The following SPATA13 variants were observed in gnomAD, a reference collection of about 807,000 sequenced individuals.
The protein encoded by SPATA13 is spermatogenesis associated 13, also known as spermatogenesis-associated protein 13.
In SPATA13, 50 loss-of-function variants were observed where a neutral mutation model predicts 104.0. The observed-to-expected ratio is 0.48, with a 90% CI of 0.38 to 0.61. SPATA13 has a LOEUF of 0.61. SPATA13 is among the 20% of genes least tolerant of loss of function. The probability of loss-of-function intolerance (pLI) is 0.00; values close to 1 mark genes in which losing one functional copy is unlikely to be tolerated. For synonymous variants in SPATA13, 606 were observed against 667.5 expected, an observed-to-expected ratio of 0.91 and a Z score of 1.42; for missense variants, 1,524 against 1,690.6, an observed-to-expected ratio of 0.90 and a Z score of 1.73.
At position 24,224,160 on chromosome 13, in the gene SPATA13, C is replaced by T. The variant is rs921772464; in HGVS notation, c.1231C>T (p.Pro411Ser). ...CCTAGACGCTGACACTGCCGTATTT[C>T]CTCTTGAAACCAAAAGTTCCTGGGC... The part of the protein sequence containing the change: ...PHLDADTAVF[P>S]LETKSSWAVE... The change falls in exon 2 of 13, where the codon CCT becomes TCT. Residue 411 changes from proline (P) to serine (S), a missense_variant. Physicochemically the swap from Pro to Ser is moderately conservative, Grantham distance 74. This residue lies in a region of SPATA13 where 1,089 missense variants were observed against 1,135.9 expected (regional missense o/e 0.96). Transcript: ENST00000382108. 1.9e-5 allele frequency: 29 copies of T among 1,551,642 alleles called. No individual in the cohort carries two copies. The highest frequency in any genetic ancestry group is 2.4e-5 in the Non-Finnish European group (27 of 1,147,012).
In SPATA13 at chr13:24,088,533, C is replaced by T. The variant is rs1426672839; in HGVS notation, c.-112+70832C>T. ...GATCGTTGGGTCCACAGCCCAAAGA[C>T]TGGCAGAATCTCAATACTGTCCCAG... On this transcript the variant is annotated intron_variant, in intron 3 of 14. Coordinates refer to the SPATA13 transcript ENST00000424834. The surrounding 1 kb of genome is among the most constrained non-coding windows in gnomAD (Gnocchi z 4.3). 6.6e-6 allele frequency among the ~76,000 whole-genome samples: 1 copy of T among 152,056 alleles called. No homozygotes were observed. The highest frequency in any genetic ancestry group is 1.5e-5 in the Non-Finnish European group (1 of 68,004).
chr13:24,303,181 T>C lies in SPATA13; in HGVS notation c.*408T>C, dbSNP rs1877332101. 1 of 391,212 alleles carries C rather than the reference T, an allele frequency of 2.6e-6. No homozygotes were observed. The highest frequency in any genetic ancestry group is 5.1e-6 in the Non-Finnish European group (1 of 197,122). 24.2% of individuals were successfully genotyped at this position (391,212 alleles called of 1,614,324 possible). A position where few individuals can be genotyped will look rare whatever the true frequency, so the allele number is the denominator to read the frequency against. On this transcript the variant is annotated 3_prime_UTR_variant, in exon 13 of 13. Coordinates refer to ENST00000382108, the MANE Select transcript of SPATA13 (RefSeq NM_001166271.3). ...AGTGATGAGGTTAGAGGATCACTTC[T>C]GCATTTGATTTTCAAGGATGCCGTC...
intron 4 of SPATA13, among the ~76,000 whole-genome samples, chr13:24,278,253 C>T (rs1875164448): frequency 6.6e-6 from 1 of 152,134 alleles, no homozygotes; most frequent in Non-Finnish European, 1.5e-5. Context: ...AGTTAGATGG[C>T]CTGAGCCTGC....
intron 1 of SPATA13, among the ~76,000 whole-genome samples, chr13:24,192,733 C>G (rs1869833663): frequency 6.6e-6 from 1 of 152,020 alleles, no homozygotes; most frequent in African/African-American, 2.4e-5. Flanking sequence ...GTTGGAGAAG[C>G]AGAGAGAAGA....
In SPATA13 at chr13:24,161,513, G is replaced by A. The variant is rs897385090; in HGVS notation, c.-112+581G>A. Among the ~76,000 whole-genome samples, 2 of 152,236 alleles carry A rather than the reference G, an allele frequency of 1.3e-5. No individual in the cohort carries two copies. Among genetic ancestry groups the A allele is most frequent in the African/African-American group, 4.8e-5 (2 of 41,462 alleles). On this transcript the variant is annotated intron_variant, in intron 1 of 12. Coordinates refer to ENST00000382108, the MANE Select transcript of SPATA13 (RefSeq NM_001166271.3). The surrounding 1 kb of genome is among the most constrained non-coding windows in gnomAD (Gnocchi z 4.5). ...GTCTGTGGACTGCAGGGAATGCATTGGCGGAGTTGGTTTGGTCCCATTCTG... is the reference window on the plus strand; with the variant it reads ...GTCTGTGGACTGCAGGGAATGCATTAGCGGAGTTGGTTTGGTCCCATTCTG...
intron 1 of SPATA13, among the ~76,000 whole-genome samples, chr13:23,983,295 G>A (rs112591644): frequency 5.9e-5 from 9 of 152,266 alleles, no homozygotes; most frequent in African/African-American, 1.7e-4. Context: ...GCGTCTTCAC[G>A]TGGTCATCCT....
Position 24,304,379 on chromosome 13 carries a change from G to T in SPATA13, c.*1606G>T, listed in dbSNP as rs904449329. 1.3e-5 allele frequency: 2 copies of T among 152,214 alleles called. No homozygotes were observed. The highest frequency in any genetic ancestry group is 2.9e-5 in the Non-Finnish European group (2 of 68,044). The allele number at this position is 152,214 out of a possible 1,614,324, so 9.4% of individuals were successfully genotyped here. On this transcript the variant is annotated 3_prime_UTR_variant, in exon 13 of 13. Transcript: ENST00000382108. The stretch of plus-strand genomic sequence containing the variant: ...GAGAGGTGCCCTTTCAACCCGCTCA[G>T]TGCCCTGGACAGGAGATGCTGTGTT...
intron 3 of SPATA13, among the ~76,000 whole-genome samples, chr13:24,112,345 G>A (rs1021308515): frequency 5.1e-4 from 78 of 152,162 alleles, no homozygotes; most frequent in Middle Eastern, 6.8e-3. Flanking sequence ...TGCCCCTACA[G>A]CACCTTCTGT....
chr13:24,034,347 T>C (rs1877601336), intron 3 of SPATA13: 1 of 152,346 alleles, frequency 6.6e-6, no homozygotes, highest in East Asian at 1.9e-4. Flanking sequence ...CCTTGTGCTC[T>C]GGATCAAAAA....
In SPATA13 at chr13:24,223,305, C is replaced by G; in HGVS notation, c.376C>G (p.Gln126Glu). Residue 126 changes from glutamine to glutamate, a missense_variant, in exon 2 of 13, where the codon CAG (glutamine) becomes GAG (glutamate). This residue lies in a region of SPATA13 where 1,089 missense variants were observed against 1,135.9 expected (regional missense o/e 0.96). Coordinates refer to ENST00000382108, the MANE Select transcript of SPATA13 (RefSeq NM_001166271.3). ...KLKSSVLKGI[Q>E]SREGSNACSK... ...GAAGTCCTCAGTCCTGAAAGGAATT[C>G]AGAGCCGAGAGGGGTCAAATGCCTG... The G allele has an allele frequency of 6.4e-7, 1 of 1,551,600 alleles. No individual in the cohort carries two copies. Among genetic ancestry groups the G allele is most frequent in the Non-Finnish European group, 8.7e-7 (1 of 1,147,006 alleles).
At chr13:24,109,420 C>T (rs931204637) in intron 3 of SPATA13, among the ~76,000 whole-genome samples, 20 of 152,090 alleles carry the variant, frequency 1.3e-4, no homozygotes, top group African/African-American at 4.6e-4. Flanking sequence ...AATAAACATA[C>T]GTGTCAATGT....
chr13:24,203,096 C>T (rs1870515169), intron 1 of SPATA13, among the ~76,000 whole-genome samples: 1 of 152,066 alleles, frequency 6.6e-6, no homozygotes, highest in Non-Finnish European at 1.5e-5. Context: ...AGCCCAGCAT[C>T]CATTAGCTAT....
intron 3 of SPATA13, among the ~76,000 whole-genome samples, chr13:24,050,534 A>G (rs1379119765): frequency 1.3e-5 from 2 of 152,150 alleles, no homozygotes; most frequent in Non-Finnish European, 2.9e-5. Flanking sequence ...ACAGACAGGA[A>G]AGGAGGAGGG....
rs1878340794 is a variant in SPATA13, at chr13:24,051,577, C to G, written c.-112+33876C>G. Among the ~76,000 whole-genome samples, 1 of 152,154 alleles carries G rather than the reference C, an allele frequency of 6.6e-6. No individual in the cohort carries two copies. Reference sequence around the variant, plus strand: ...AAGGAAGCCAGGGAGTAAATGCTTCCTCCGTCTCCCTGCTGGTCTAGTAGA... The same window carrying G: ...AAGGAAGCCAGGGAGTAAATGCTTCGTCCGTCTCCCTGCTGGTCTAGTAGA... On this transcript the variant is annotated intron_variant, in intron 3 of 14. Coordinates refer to the SPATA13 transcript ENST00000424834. The surrounding 1 kb of genome is among the most constrained non-coding windows in gnomAD (Gnocchi z 4.2).
chr13:24,123,234 T>G, intron 3 of SPATA13: 1 of 1,598,960 alleles, frequency 6.3e-7, no homozygotes, highest in South Asian at 1.1e-5. Flanking sequence ...GATCAATACT[T>G]GAAGGGCAAT....
intron 3 of SPATA13, 53 bp downstream of exon 3, chr13:24,249,895 C>T: frequency 1.3e-6 from 2 of 1,532,076 alleles, no homozygotes; most frequent in South Asian, 2.6e-5. Context: ...CAGCTTCCTG[C>T]CTCTATTCTG....
chr13:24,049,317 G>GCA (rs1878256426), intron 3 of SPATA13, among the ~76,000 whole-genome samples: 1 of 152,168 alleles, frequency 6.6e-6, no homozygotes, highest in Non-Finnish European at 1.5e-5. Flanking sequence ...GTGTTTAGAT[G>GCA]CACGAATACT....
At chr13:24,080,031 T>C (rs964888457) in intron 3 of SPATA13, among the ~76,000 whole-genome samples, 1 of 152,182 alleles carries the variant, frequency 6.6e-6, no homozygotes, top group Admixed American at 6.5e-5. Context: ...GAAACCAAAA[T>C]TAGAAGGAAT....
chr13:24,007,992 G>A (rs1430968531), intron 2 of SPATA13, among the ~76,000 whole-genome samples: 1 of 152,182 alleles, frequency 6.6e-6, no homozygotes, highest in East Asian at 1.9e-4. Context: ...GGCAGGCGCG[G>A]CCCAAAGGCT....
Sources: gnomAD v4.1 joint callset for allele counts (sites outside exome capture counted in the v4.1 genomes callset) on GRCh38, gnomAD v4.1.1 for gene constraint, gnomAD v4.1.1 regional missense constraint, Gnocchi (gnomAD v3.1) non-coding constraint, MANE v1.5 for transcripts, NCBI Gene and HGNC (gene_info 2026-07-23, HGNC 2026-07-21) for gene names.